The following SMC2 variants were observed in gnomAD, a reference collection of about 807,000 sequenced individuals.
The protein encoded by SMC2 is structural maintenance of chromosomes 2.
Under a neutral mutation model 142.6 loss-of-function variants are expected in SMC2, and 41 were observed. The ratio of observed to expected loss-of-function variants is 0.29; its 90% CI spans 0.22 to 0.37. The LOEUF (loss-of-function observed/expected upper bound fraction) is 0.37. Ranked by LOEUF, SMC2 falls within the 10% of genes least tolerant of loss-of-function variation. The pLI, the probability that SMC2 is intolerant of heterozygous loss-of-function variation, is 1.00. For missense variants in SMC2, 1,265 were observed against 1,373.7 expected, an observed-to-expected ratio of 0.92 and a Z score of 1.25; for synonymous variants, 463 against 457.5, an observed-to-expected ratio of 1.01 and a Z score of -0.15.
intron 7 of SMC2, among the ~76,000 whole-genome samples, chr9:104,101,487 A>G (rs914214566): frequency 2.6e-5 from 4 of 152,188 alleles, no homozygotes; most frequent in African/African-American, 4.8e-5. Flanking sequence ...TCATTTAATC[A>G]TTCTGAATTT....
rs1311724244 is a variant in SMC2, at chr9:104,129,807, A to G, written c.2953A>G (p.Met985Val). The change falls in exon 21 of 25, where the codon ATG (methionine) becomes GTG (valine). Residue 985 changes from methionine to valine, a missense_variant. Met to Val is a conservative substitution (Grantham distance 21). Coordinates refer to ENST00000374793, the MANE Select transcript of SMC2 (RefSeq NM_006444.3). ...MKEKLGRNVNMRAMNVLTEAE... is the reference protein window; with the variant it reads ...MKEKLGRNVNVRAMNVLTEAE... ...GGAGAAACTAGGAAGAAATGTCAAT[A>G]TGAGAGCTATGAATGTATTGACAGA... The G allele has an allele frequency of 6.2e-7, 1 of 1,613,906 alleles. No homozygotes were observed.
chr9:104,117,473 T>C (rs1197918999), intron 14 of SMC2, among the ~76,000 whole-genome samples: 1 of 152,190 alleles, frequency 6.6e-6, no homozygotes, highest in Non-Finnish European at 1.5e-5. Context: ...GAAGAAGCAT[T>C]GTGATCAAAA....
chr9:104,110,222 G>A (rs1267732991), intron 9 of SMC2, among the ~76,000 whole-genome samples: 1 of 152,144 alleles, frequency 6.6e-6, no homozygotes. Flanking sequence ...AAAAAGCAGA[G>A]AAGTCAGGAT....
At chr9:104,094,000 G>C (rs1022491023), upstream of SMC2, among the ~76,000 whole-genome samples, 1 of 152,228 alleles carries the variant, frequency 6.6e-6, no homozygotes, top group Non-Finnish European at 1.5e-5. Context: ...AGTCTGCAGT[G>C]TGCCTAACGC....
intron 2 of SMC2, 119 bp downstream of exon 2, chr9:104,095,671 C>T (rs1237415172): frequency 5.6e-6 from 4 of 709,634 alleles, no homozygotes; most frequent in South Asian, 1.9e-5. Flanking sequence ...TAAATTACAC[C>T]TCACTGCAAC....
chr9:104,098,764 T>A (rs1830768419), intron 4 of SMC2, among the ~76,000 whole-genome samples, 196 bp downstream of exon 4: 1 of 151,982 alleles, frequency 6.6e-6, no homozygotes, highest in East Asian at 1.9e-4. Context: ...GACCTTTGAC[T>A]CCTCTAGAAT....
At chr9:104,125,225 G>A in intron 18 of SMC2, 120 bp downstream of exon 18, 4 of 711,080 alleles carry the variant, frequency 5.6e-6, no homozygotes. Context: ...AAAGGGAGCA[G>A]TGTTCTTTGG....
chr9:104,136,192 AATCC>A, intron 23 of SMC2: 1 of 261,834 alleles, frequency 3.8e-6, no homozygotes, highest in South Asian at 4.4e-5. Context: ...CATGGTATAT[AATCC>A]ATAGGCCTTG....
chr9:104,096,053 T>G (rs1034058380), intron 2 of SMC2, 95 bp from the exon 3 acceptor site: 8 of 1,109,032 alleles, frequency 7.2e-6, no homozygotes, highest in Admixed American at 2.1e-5. Context: ...GGACACTACG[T>G]TGGTGGGTTT....
chr9:104,093,769 C>A (rs1027324431), upstream of SMC2, among the ~76,000 whole-genome samples: 1 of 152,174 alleles, frequency 6.6e-6, no homozygotes, highest in Admixed American at 6.5e-5. Flanking sequence ...CAGTACGGGG[C>A]GGAGCCAGGA....
rs1832553752 is a variant in SMC2, at chr9:104,112,318, A to C, written c.1254+504A>C. ...AGCCACATTCTAGTCTGCTCTCCCTACTCTGATTTCATAATCTTAAAAGTC... is the reference window on the plus strand; with the variant it reads ...AGCCACATTCTAGTCTGCTCTCCCTCCTCTGATTTCATAATCTTAAAAGTC... On this transcript the variant is annotated intron_variant, in intron 10 of 24. Transcript: ENST00000374793. Among the ~76,000 whole-genome samples, 4 of 151,988 alleles carry C rather than the reference A, an allele frequency of 2.6e-5. No individual in the cohort carries two copies. In the South Asian group the frequency reaches 8.3e-4, roughly 31 times the overall value.
chr9:104,097,508 GAAAAAAAAAAA>G (rs59646608), intron 3 of SMC2, among the ~76,000 whole-genome samples: 3 of 121,882 alleles, frequency 2.5e-5, no homozygotes, highest in African/African-American at 9.1e-5. Flanking sequence ...GCCTCTGGTT[GAAAAAAAAAAA>G]AAAAAAAGAA....
chr9:104,093,207 G>GT (rs1322308011), upstream of SMC2: 3 of 152,052 alleles, frequency 2.0e-5, no homozygotes, highest in African/African-American at 4.8e-5. Context: ...CTCACTTAGG[G>GT]TAACACCATA....
intron 7 of SMC2, among the ~76,000 whole-genome samples, chr9:104,101,437 T>C (rs1017310936): frequency 6.6e-6 from 1 of 152,188 alleles, no homozygotes; most frequent in Non-Finnish European, 1.5e-5. Flanking sequence ...TAGACTTCAT[T>C]TTGCCACAAT....
At chr9:104,137,099 G>T (rs1370088082) in intron 23 of SMC2, among the ~76,000 whole-genome samples, 1 of 152,010 alleles carries the variant, frequency 6.6e-6, no homozygotes, top group Non-Finnish European at 1.5e-5. Flanking sequence ...AGTGAACCGA[G>T]ATTGTGCTAC....
chr9:104,134,079 T>A (rs191300917), intron 22 of SMC2, among the ~76,000 whole-genome samples: 1 of 152,142 alleles, frequency 6.6e-6, no homozygotes, highest in East Asian at 1.9e-4. Context: ...TGTCAAAACT[T>A]TGGACTAGAG....
chr9:104,102,641 A>C, intron 9 of SMC2, 68 bp downstream of exon 9: 1 of 1,425,184 alleles, frequency 7.0e-7, no homozygotes, highest in Non-Finnish European at 9.4e-7. Flanking sequence ...GTGTACATTT[A>C]TCTATTCCAT....
At chr9:104,119,029 C>A (rs907100050) in intron 15 of SMC2, among the ~76,000 whole-genome samples, 1 of 152,028 alleles carries the variant, frequency 6.6e-6, no homozygotes, top group East Asian at 1.9e-4. Context: ...AATCTGAATC[C>A]CAGCAGTCTG....
intron 13 of SMC2, among the ~76,000 whole-genome samples, 155 bp downstream of exon 13, chr9:104,114,984 A>C (rs1050212664): frequency 1.3e-5 from 2 of 152,236 alleles, no homozygotes; most frequent in Non-Finnish European, 2.9e-5. Flanking sequence ...TTTGATAACT[A>C]TTCCAAAGGA....
Sources: gnomAD v4.1 joint callset for allele counts (sites outside exome capture counted in the v4.1 genomes callset) on GRCh38, gnomAD v4.1.1 for gene constraint, MANE v1.5 for transcripts, NCBI Gene and HGNC (gene_info 2026-07-23, HGNC 2026-07-21) for gene names.